Variants in EXOC6 observed in about 807,000 individuals in gnomAD.
EXOC6 encodes the protein SEC15-like 1.
Under a neutral mutation model 112.5 loss-of-function variants are expected in EXOC6, and 60 were observed. That is an observed-to-expected ratio of 0.53 (90% confidence interval 0.43 to 0.66). The LOEUF (loss-of-function observed/expected upper bound fraction) is 0.66. EXOC6 is among the 30% of genes least tolerant of loss of function. The pLI, the probability that EXOC6 is intolerant of heterozygous loss-of-function variation, is 0.00. For missense variants in EXOC6, 855 were observed against 957.1 expected, an observed-to-expected ratio of 0.89 and a Z score of 1.41; for synonymous variants, 295 against 308.0, an observed-to-expected ratio of 0.96 and a Z score of 0.44.
chr10:92,916,658 G>C (rs1009370222), intron 7 of EXOC6, among the ~76,000 whole-genome samples: 1 of 152,182 alleles, frequency 6.6e-6, no homozygotes, highest in African/African-American at 2.4e-5. Context: ...ATAACAATCT[G>C]TCTCCCCGGT....
At chr10:92,886,330 T>C (rs1285256830) in intron 1 of EXOC6, among the ~76,000 whole-genome samples, 4 of 152,246 alleles carry the variant, frequency 2.6e-5, no homozygotes, top group Admixed American at 6.5e-5. Context: ...TTCTTTTTGC[T>C]CCTCCTTATT....
At chr10:92,864,343 C>T (rs1848066043) in intron 1 of EXOC6, among the ~76,000 whole-genome samples, 1 of 152,210 alleles carries the variant, frequency 6.6e-6, no homozygotes, top group South Asian at 2.1e-4. Context: ...GGCAGATATA[C>T]ATCATTTTCC....
At chr10:92,988,896 T>G (rs1343689536) in intron 18 of EXOC6, among the ~76,000 whole-genome samples, 4 of 152,124 alleles carry the variant, frequency 2.6e-5, no homozygotes, top group African/African-American at 9.7e-5. Flanking sequence ...CATTGTGTCT[T>G]GGATCTATCT....
chr10:93,022,535 A>C (rs1844835345), intron 20 of EXOC6, among the ~76,000 whole-genome samples: 1 of 152,156 alleles, frequency 6.6e-6, no homozygotes, highest in Non-Finnish European at 1.5e-5. Flanking sequence ...TCTGTATTCC[A>C]AAATAAGAAT....
chr10:92,889,260 T>C (rs1392968812), intron 1 of EXOC6, among the ~76,000 whole-genome samples: 5 of 152,250 alleles, frequency 3.3e-5, no homozygotes, highest in African/African-American at 4.8e-5. Flanking sequence ...GAATTTTTCA[T>C]GTTTACTAAT....
Position 92,975,138 on chromosome 10 carries a change from C to T in EXOC6, c.1953+906C>T, listed in dbSNP as rs192474760. 1.8e-4 allele frequency among the ~76,000 whole-genome samples: 27 copies of T among 151,880 alleles called. No individual in the cohort carries two copies. The East Asian group carries it at 4.7e-3, about 26-fold the overall frequency. On this transcript the variant is annotated intron_variant, in intron 18 of 21. Coordinates refer to ENST00000260762, the MANE Select transcript of EXOC6 (RefSeq NM_019053.6). The stretch of plus-strand genomic sequence containing the variant: ...GAAGTGAGGAGCGCCTCTTCCCGGC[C>T]GCCATCCCATGTACGAAGTGAGGAG...
chr10:93,027,072 T>G (rs1845061879), intron 20 of EXOC6, among the ~76,000 whole-genome samples: 1 of 152,212 alleles, frequency 6.6e-6, no homozygotes. Context: ...GAACACAAGA[T>G]TGATATGAGA....
At chr10:92,975,095 G>A (rs1302657245) in intron 18 of EXOC6, among the ~76,000 whole-genome samples, 2 of 151,040 alleles carry the variant, frequency 1.3e-5, no homozygotes, top group Non-Finnish European at 3.0e-5. Context: ...GTCTCTGCCC[G>A]GCCACCATCC....
rs1400563712 is a variant in EXOC6 at position 92,915,874 on chromosome 10, G to C, written c.780G>C (p.Leu260Phe). 6.5e-7 allele frequency: 1 copy of C among 1,548,720 alleles called. No homozygotes were observed. The highest frequency in any genetic ancestry group is 1.4e-5 in the African/African-American group (1 of 70,066). The part of the protein sequence containing the change: ...RIPEERNETV[L>F]KHSLEEEDEN... ...CAGAGGAAAGGAATGAAACTGTATT[G>C]AAACATTCACTTGAAGAAGAGGATG... The change falls in exon 7 of 22, where the codon TTG (leucine) becomes TTC (phenylalanine). Residue 260 changes from leucine (L) to phenylalanine (F), a missense_variant. This residue lies in a region of EXOC6 where 405 missense variants were observed against 393.6 expected (regional missense o/e 1.03). Coordinates refer to ENST00000260762, the MANE Select transcript of EXOC6 (RefSeq NM_019053.6).
intron 20 of EXOC6, among the ~76,000 whole-genome samples, chr10:93,041,390 G>A (rs1197324512): frequency 6.6e-6 from 1 of 151,988 alleles, no homozygotes; most frequent in Non-Finnish European, 1.5e-5. Context: ...TTGTTTGTTT[G>A]TTTATTTATT....
chr10:92,933,413 A>G (rs1185688686), intron 9 of EXOC6, among the ~76,000 whole-genome samples: 1 of 152,182 alleles, frequency 6.6e-6, no homozygotes, highest in Admixed American at 6.6e-5. Context: ...ACTACATACT[A>G]TGCTATAAAG....
At chr10:93,022,154 C>T (rs569647213) in intron 20 of EXOC6, among the ~76,000 whole-genome samples, 1 of 152,284 alleles carries the variant, frequency 6.6e-6, no homozygotes, top group South Asian at 2.1e-4. Flanking sequence ...TAATAAACAT[C>T]TCAAGTCATT....
In EXOC6 at chr10:93,056,908, C is replaced by T. The variant is rs1325894892; in HGVS notation, c.2170-16C>T. On this transcript the variant is annotated splice_polypyrimidine_tract_variant and intron_variant, in intron 20 of 21. Transcript: ENST00000260762. ...ATAATCAAAAGTTGATTTAACATTTCCCCCATCTTTCGCAGCTCCTTGACC... is the reference window on the plus strand; with the variant it reads ...ATAATCAAAAGTTGATTTAACATTTTCCCCATCTTTCGCAGCTCCTTGACC... 3.6e-6 allele frequency: 5 copies of T among 1,403,118 alleles called. No individual in the cohort carries two copies. The highest frequency in any genetic ancestry group is 4.7e-5 in the East Asian group (2 of 42,954). The allele number at this position is 1,403,118 out of a possible 1,614,324, so 86.9% of individuals were successfully genotyped here. A position where few individuals can be genotyped will look rare whatever the true frequency, so the allele number is the denominator to read the frequency against.
intron 19 of EXOC6, among the ~76,000 whole-genome samples, chr10:93,012,548 CCA>C (rs1844297398): frequency 6.6e-6 from 1 of 152,082 alleles, no homozygotes; most frequent in South Asian, 2.1e-4. Context: ...GCAACATTCC[CCA>C]GAGATGCCAG....
rs192367612 is a variant in EXOC6 at position 92,918,213 on chromosome 10, T to A, written c.820-1769T>A. On this transcript the variant is annotated intron_variant, in intron 7 of 21. Transcript: ENST00000260762. Reference sequence around the variant, plus strand: ...ACTTACCTTTTATCGTCCTTTTCAATTTTTTTTTAAATTTAGCTACTATCA... The same window carrying A: ...ACTTACCTTTTATCGTCCTTTTCAAATTTTTTTTAAATTTAGCTACTATCA... Among the ~76,000 whole-genome samples, 443 of 151,808 alleles carry A rather than the reference T, an allele frequency of 2.9e-3. 2 individuals are homozygous for A. Among genetic ancestry groups the A allele is most frequent in the African/African-American group, 0.01 (425 of 41,422 alleles).
chr10:93,018,193 A>T (rs1844628680), intron 20 of EXOC6, among the ~76,000 whole-genome samples: 1 of 152,096 alleles, frequency 6.6e-6, no homozygotes, highest in Non-Finnish European at 1.5e-5. Flanking sequence ...TGAACAAACC[A>T]GTTATAAAAA....
At chr10:92,893,690 G>A (rs939776470) in intron 2 of EXOC6, among the ~76,000 whole-genome samples, 170 bp downstream of exon 2, 8 of 152,174 alleles carry the variant, frequency 5.3e-5, no homozygotes, top group African/African-American at 1.9e-4. Flanking sequence ...TCATGCTAAT[G>A]ACAGGAGTAT....
intron 19 of EXOC6, among the ~76,000 whole-genome samples, chr10:93,005,589 T>A (rs777601283): frequency 1.3e-4 from 20 of 152,090 alleles, no homozygotes; most frequent in Non-Finnish European, 2.8e-4. Flanking sequence ...ACTAAGAAAA[T>A]ACAGACTATT....
intron 19 of EXOC6, among the ~76,000 whole-genome samples, chr10:93,001,548 G>A (rs147586017): frequency 1.6e-3 from 249 of 152,286 alleles, no homozygotes; most frequent in African/African-American, 5.8e-3. Context: ...GGTGTTCTCA[G>A]TAAAAGGAAA....
Sources: gnomAD v4.1 joint callset for allele counts (sites outside exome capture counted in the v4.1 genomes callset) on GRCh38, gnomAD v4.1.1 for gene constraint, gnomAD v4.1.1 regional missense constraint, MANE v1.5 for transcripts, NCBI Gene and HGNC (gene_info 2026-07-23, HGNC 2026-07-21) for gene names.